Variants in ZMIZ1 observed in about 807,000 individuals in gnomAD.
ZMIZ1 encodes the protein zinc finger MIZ-type containing 1.
A neutral mutation model predicts 113.9 loss-of-function variants in ZMIZ1; 17 were observed. The observed-to-expected ratio is 0.15, with a 90% CI of 0.10 to 0.22. The LOEUF is 0.22. Ranked by LOEUF, ZMIZ1 falls within the 10% of genes least tolerant of loss-of-function variation. The pLI, the probability that ZMIZ1 is intolerant of heterozygous loss-of-function variation, is 1.00. For synonymous variants in ZMIZ1, 607 were observed against 603.1 expected, an observed-to-expected ratio of 1.01 and a Z score of -0.09; for missense variants, 1,059 against 1,477.8, an observed-to-expected ratio of 0.72 and a Z score of 4.65.
chr10:79,120,374 T>A (rs985064730), intron 2 of ZMIZ1, among the ~76,000 whole-genome samples: 5 of 152,162 alleles, frequency 3.3e-5, no homozygotes, highest in African/African-American at 1.2e-4. Context: ...GGGCTGCATA[T>A]CCATGCACAC....
rs982151363 is a variant in ZMIZ1, at chr10:79,111,779, A to C, written c.-336-7136A>C. ...CTTGGCTGAGAACGTCTCACCCACTATCCAGGGAATGGTTTTTAAAATTAC... is the reference window on the plus strand; with the variant it reads ...CTTGGCTGAGAACGTCTCACCCACTCTCCAGGGAATGGTTTTTAAAATTAC... On this transcript the variant is annotated intron_variant, in intron 1 of 24. Transcript: ENST00000334512. 4.6e-5 allele frequency among the ~76,000 whole-genome samples: 7 copies of C among 152,226 alleles called. No individual in the cohort carries two copies. The South Asian group carries it at 6.2e-4, about 14-fold the overall frequency.
At position 79,306,219 on chromosome 10, in the gene ZMIZ1, T is replaced by C; in HGVS notation, c.2543T>C (p.Met848Thr). 6.2e-7 allele frequency: 1 copy of C among 1,614,156 alleles called. No individual in the cohort carries two copies. Among genetic ancestry groups the C allele is most frequent in the Non-Finnish European group, 8.5e-7 (1 of 1,180,010 alleles). The change falls in exon 22 of 25, where the codon ATG (methionine) becomes ACG (threonine). Residue 848 changes from methionine to threonine, a missense_variant. By Grantham distance (81) the Met-to-Thr change is moderately conservative. Coordinates refer to ENST00000334512, the MANE Select transcript of ZMIZ1 (RefSeq NM_020338.4). ...ATCCCCTCCAAGCGGTTCAAGACCA[T>C]GAGTCCCAGCCAGATGATCATGCCC... ...DGIPSKRFKT[M>T]SPSQMIMPNV... is the part of the protein sequence containing the mutation.
intron 1 of ZMIZ1, among the ~76,000 whole-genome samples, chr10:79,080,754 G>A (rs149405288): frequency 4.7e-4 from 71 of 152,160 alleles, no homozygotes; most frequent in Non-Finnish European, 9.6e-4. Flanking sequence ...TGCTTCATCT[G>A]CAGGACTGAC....
chr10:79,077,261 A>G (rs771347505), intron 1 of ZMIZ1, among the ~76,000 whole-genome samples: 1 of 151,988 alleles, frequency 6.6e-6, no homozygotes, highest in African/African-American at 2.4e-5. Flanking sequence ...CACAGTGCAC[A>G]GCTCTAACCA....
At chr10:79,079,020 C>T (rs1178916782) in intron 1 of ZMIZ1, among the ~76,000 whole-genome samples, 1 of 152,138 alleles carries the variant, frequency 6.6e-6, no homozygotes, top group Admixed American at 6.5e-5. Context: ...GAGGAGGGGA[C>T]AGTGTCTGCA....
chr10:79,272,350 C>T (rs959009949), intron 7 of ZMIZ1, among the ~76,000 whole-genome samples: 2 of 152,146 alleles, frequency 1.3e-5, no homozygotes, highest in African/African-American at 2.4e-5. Flanking sequence ...GCAGATAAAC[C>T]GAAGCCCAGA....
At chr10:79,227,629 G>C (rs1010015599) in intron 7 of ZMIZ1, among the ~76,000 whole-genome samples, 12 of 152,222 alleles carry the variant, frequency 7.9e-5, no homozygotes, top group Non-Finnish European at 1.6e-4. Context: ...AGGACATGCT[G>C]TATATGCGTG....
intron 3 of ZMIZ1, among the ~76,000 whole-genome samples, chr10:79,154,514 G>A (rs945334042): frequency 6.6e-6 from 1 of 152,206 alleles, no homozygotes; most frequent in Non-Finnish European, 1.5e-5. Context: ...CATTGCAAGT[G>A]GCAAGGGCCC....
At chr10:79,193,520 C>T (rs1158416142) in intron 4 of ZMIZ1, among the ~76,000 whole-genome samples, 1 of 152,298 alleles carries the variant, frequency 6.6e-6, no homozygotes, top group African/African-American at 2.4e-5. Flanking sequence ...AATGGGCGTG[C>T]GTCCACCTGC....
chr10:79,150,950 C>T (rs992212825), intron 3 of ZMIZ1, among the ~76,000 whole-genome samples: 5 of 152,106 alleles, frequency 3.3e-5, no homozygotes, highest in African/African-American at 1.2e-4. Flanking sequence ...CCATGACCCA[C>T]CTCCCCAAGT....
intron 1 of ZMIZ1, among the ~76,000 whole-genome samples, chr10:79,110,023 T>C (rs1843683901): frequency 6.6e-6 from 1 of 152,230 alleles, no homozygotes; most frequent in Non-Finnish European, 1.5e-5. Context: ...TTGTTCCAGC[T>C]GTGAGCAAAG....
chr10:79,290,075 A>G (rs1268310135), intron 9 of ZMIZ1, among the ~76,000 whole-genome samples, 186 bp downstream of exon 9: 1 of 152,226 alleles, frequency 6.6e-6, no homozygotes, highest in African/African-American at 2.4e-5. Context: ...TCAGGAGGGC[A>G]GCCTCTATGG....
rs116433294 is a variant in ZMIZ1 at position 79,094,075 on chromosome 10, T to C, written c.-337+24805T>C. The stretch of plus-strand genomic sequence containing the variant: ...CCAGCTGTACAATGCTGGGTTCATA[T>C]TGACACCACAGACCTGTTCCACACG... On this transcript the variant is annotated intron_variant, in intron 1 of 24. Coordinates refer to ENST00000334512, the MANE Select transcript of ZMIZ1 (RefSeq NM_020338.4). Among the ~76,000 whole-genome samples, 881 of 152,352 alleles carry C rather than the reference T, an allele frequency of 5.8e-3. 7 individuals carry two copies. The highest frequency in any genetic ancestry group is 0.02 in the African/African-American group (829 of 41,574).
intron 7 of ZMIZ1, among the ~76,000 whole-genome samples, chr10:79,268,327 A>G (rs1851728900): frequency 6.6e-6 from 1 of 152,188 alleles, no homozygotes; most frequent in Non-Finnish European, 1.5e-5. Flanking sequence ...TTATTTGAGG[A>G]CAGCACCAGT....
At chr10:79,104,314 C>T (rs748774848) in intron 1 of ZMIZ1, among the ~76,000 whole-genome samples, 7 of 152,096 alleles carry the variant, frequency 4.6e-5, no homozygotes, top group Non-Finnish European at 8.8e-5. Context: ...TCTTGGGGAG[C>T]GGATGAGTAT....
At chr10:79,107,707 C>T (rs771757253) in intron 1 of ZMIZ1, among the ~76,000 whole-genome samples, 5 of 152,136 alleles carry the variant, frequency 3.3e-5, no homozygotes, top group Non-Finnish European at 5.9e-5. Flanking sequence ...TTGCAGGGGG[C>T]AGGGAGGGCA....
intron 7 of ZMIZ1, among the ~76,000 whole-genome samples, chr10:79,259,414 AG>A (rs1851118885): frequency 6.6e-6 from 1 of 152,084 alleles, no homozygotes; most frequent in Non-Finnish European, 1.5e-5. Flanking sequence ...ACCCTTCAAC[AG>A]GGCTTCATCG....
chr10:79,141,310 G>T (rs1467185255), intron 3 of ZMIZ1, among the ~76,000 whole-genome samples: 1 of 152,220 alleles, frequency 6.6e-6, no homozygotes, highest in Non-Finnish European at 1.5e-5. Flanking sequence ...TACGGCGCTT[G>T]TACTCTCGTG....
intron 8 of ZMIZ1, among the ~76,000 whole-genome samples, chr10:79,286,922 G>C (rs925331373): frequency 6.6e-6 from 1 of 152,222 alleles, no homozygotes; most frequent in Non-Finnish European, 1.5e-5. Flanking sequence ...CAAAGGATAG[G>C]AACTTCCGTC....
Sources: gnomAD v4.1 joint callset for allele counts (sites outside exome capture counted in the v4.1 genomes callset) on GRCh38, gnomAD v4.1.1 for gene constraint, MANE v1.5 for transcripts, NCBI Gene and HGNC (gene_info 2026-07-23, HGNC 2026-07-21) for gene names.